Variants in GADL1 observed in about 807,000 individuals in gnomAD.
The protein encoded by GADL1 is GAD like acidic amino acid decarboxylase 1.
In GADL1, 71 loss-of-function variants were observed where a neutral mutation model predicts 69.5. That is an observed-to-expected ratio of 1.02 (90% CI 0.84 to 1.25). The LOEUF (loss-of-function observed/expected upper bound fraction) is 1.25. GADL1 is among the 50% of genes most tolerant of loss of function. The pLI, the probability that GADL1 is intolerant of heterozygous loss-of-function variation, is 0.00. For synonymous variants in GADL1, 254 were observed against 214.4 expected (o/e 1.18, Z -1.62); for missense variants, 737 against 631.8 (o/e 1.17, Z -1.79).
chr3:30,793,084 G>A (rs1265333968), intron 12 of GADL1, among the ~76,000 whole-genome samples: 1 of 152,106 alleles, frequency 6.6e-6, no homozygotes, highest in Non-Finnish European at 1.5e-5. Flanking sequence ...TCTAGGAGAG[G>A]AATAATATAG....
At chr3:30,831,367 C>T (rs1441892758) in intron 11 of GADL1, among the ~76,000 whole-genome samples, 1 of 151,820 alleles carries the variant, frequency 6.6e-6, no homozygotes, top group East Asian at 1.9e-4. Flanking sequence ...GATGTTCCTT[C>T]CACCTGAGAC....
chr3:30,735,419 C>A (rs1183099882), intron 14 of GADL1, among the ~76,000 whole-genome samples: 1 of 152,028 alleles, frequency 6.6e-6, no homozygotes, highest in African/African-American at 2.4e-5. Flanking sequence ...AATGGATAAA[C>A]AAAACTGTGG....
chr3:30,793,639 A>G (rs1369058674), intron 12 of GADL1, among the ~76,000 whole-genome samples: 1 of 152,206 alleles, frequency 6.6e-6, no homozygotes, highest in Non-Finnish European at 1.5e-5. Flanking sequence ...TGGCATATGC[A>G]TTAATGATAA....
At chr3:30,875,680 A>G (rs1178212091) in intron 1 of GADL1, among the ~76,000 whole-genome samples, 1 of 151,694 alleles carries the variant, frequency 6.6e-6, no homozygotes, top group Non-Finnish European at 1.5e-5. Context: ...ATAGGATCTG[A>G]TTTGCCCTCT....
At chr3:30,793,111 G>A (rs1379047437) in intron 12 of GADL1, among the ~76,000 whole-genome samples, 1 of 152,112 alleles carries the variant, frequency 6.6e-6, no homozygotes, top group Non-Finnish European at 1.5e-5. Context: ...GCATCTCCCA[G>A]ACACATTTAA....
chr3:30,806,658 C>T (rs1697261934), intron 11 of GADL1, among the ~76,000 whole-genome samples: 1 of 152,180 alleles, frequency 6.6e-6, no homozygotes, highest in South Asian at 2.1e-4. Flanking sequence ...CAAGGCACAA[C>T]AGAGCACAAA....
intron 11 of GADL1, 66 bp from the exon 12 acceptor site, chr3:30,801,154 A>G (rs1697155329): frequency 1.8e-5 from 21 of 1,156,788 alleles, no homozygotes; most frequent in Non-Finnish European, 2.4e-5. Flanking sequence ...GAAAGCAAAC[A>G]CATGTACACA....
chr3:30,771,271 T>C (rs999073408), intron 14 of GADL1, among the ~76,000 whole-genome samples: 4 of 152,214 alleles, frequency 2.6e-5, no homozygotes, highest in Non-Finnish European at 5.9e-5. Context: ...AAGTGGCTTC[T>C]TGACCCTTAG....
chr3:30,762,767 C>G (rs1696169414), intron 14 of GADL1, among the ~76,000 whole-genome samples: 1 of 152,172 alleles, frequency 6.6e-6, no homozygotes, highest in African/African-American at 2.4e-5. Flanking sequence ...CCTTCCCACT[C>G]TCTGGTAACT....
intron 14 of GADL1, among the ~76,000 whole-genome samples, chr3:30,761,207 A>G (rs899311730): frequency 1.3e-5 from 2 of 152,206 alleles, no homozygotes; most frequent in Admixed American, 6.5e-5. Context: ...TATTTCTATC[A>G]CATTATATAT....
At chr3:30,875,755 A>C (rs1698569061) in intron 1 of GADL1, among the ~76,000 whole-genome samples, 1 of 151,894 alleles carries the variant, frequency 6.6e-6, no homozygotes, top group African/African-American at 2.4e-5. Context: ...GAAGTGAAGC[A>C]GTGGCCCAGC....
At chr3:30,877,065 C>A (rs753558207) in intron 1 of GADL1, among the ~76,000 whole-genome samples, 6 of 151,844 alleles carry the variant, frequency 4.0e-5, no homozygotes, top group Admixed American at 3.9e-4. Flanking sequence ...TTATATTACA[C>A]GTTTTTGGAC....
At chr3:30,731,845 G>A (rs1257956852) in intron 14 of GADL1, among the ~76,000 whole-genome samples, 1 of 152,080 alleles carries the variant, frequency 6.6e-6, no homozygotes, top group Non-Finnish European at 1.5e-5. Flanking sequence ...AATACTTCGC[G>A]GGAAAGAAAG....
chr3:30,830,627 C>T (rs1697771557), intron 11 of GADL1, among the ~76,000 whole-genome samples: 1 of 151,852 alleles, frequency 6.6e-6, no homozygotes, highest in Non-Finnish European at 1.5e-5. Flanking sequence ...GCCTTATTTT[C>T]TTCTAATTCC....
chr3:30,797,638 TTG>T (rs1697066411), intron 12 of GADL1: 1 of 151,430 alleles, frequency 6.6e-6, no homozygotes, highest in Non-Finnish European at 1.5e-5. Flanking sequence ...TAGGCTAGAT[TTG>T]TTTTTTGCGT....
intron 14 of GADL1, among the ~76,000 whole-genome samples, chr3:30,749,008 A>C (rs538632890): frequency 6.6e-6 from 1 of 152,176 alleles, no homozygotes; most frequent in South Asian, 2.1e-4. Context: ...CCTCACATTC[A>C]ATGTTGTGGT....
chr3:30,790,998 CTTT>C (rs35630766), intron 12 of GADL1, among the ~76,000 whole-genome samples: 2 of 146,728 alleles, frequency 1.4e-5, no homozygotes, highest in South Asian at 4.3e-4. Flanking sequence ...AATTTTTACA[CTTT>C]TTTTTTTTAA....
chr3:30,855,834 G>GT (rs1215111676), intron 3 of GADL1, among the ~76,000 whole-genome samples: 96 of 136,286 alleles, frequency 7.0e-4, no homozygotes, highest in Admixed American at 3.6e-3. Context: ...GTTTATTTTA[G>GT]TTTTTTTTTT....
intron 1 of GADL1, among the ~76,000 whole-genome samples, chr3:30,882,894 T>C (rs1698660880): frequency 1.3e-5 from 2 of 152,050 alleles, no homozygotes; most frequent in Admixed American, 1.3e-4. Flanking sequence ...TAGTGTGGTT[T>C]CAGTTTGTAT....
Sources: gnomAD v4.1 joint callset for allele counts (sites outside exome capture counted in the v4.1 genomes callset) on GRCh38, gnomAD v4.1.1 for gene constraint, MANE v1.5 for transcripts, NCBI Gene and HGNC (gene_info 2026-07-23, HGNC 2026-07-21) for gene names.